TBC1D16: variants seen among roughly 807,000 people sequenced by gnomAD.
The protein encoded by TBC1D16 is CTD-2529O21.1.
Under a neutral mutation model 74.7 loss-of-function variants are expected in TBC1D16, and 58 were observed. That is an observed-to-expected ratio of 0.78 (90% CI 0.63 to 0.97). The LOEUF is 0.97. Among genes scored for constraint, TBC1D16 ranks in the 50% least tolerant of loss-of-function variants. The pLI, the probability that TBC1D16 is intolerant of heterozygous loss-of-function variation, is 0.00. For synonymous variants in TBC1D16, 493 were observed against 474.7 expected (o/e 1.04, Z -0.50); for missense variants, 1,014 against 1,079.5 (o/e 0.94, Z 0.85).
intron 1 of TBC1D16, among the ~76,000 whole-genome samples, chr17:80,031,012 C>A (rs1195311630): frequency 6.6e-6 from 1 of 152,224 alleles, no homozygotes; most frequent in East Asian, 1.9e-4. Context: ...GCCCCCGCTG[C>A]AGAACGTCTG....
intron 3 of TBC1D16, among the ~76,000 whole-genome samples, chr17:80,003,518 G>T (rs914168894): frequency 1.3e-5 from 2 of 152,202 alleles, no homozygotes; most frequent in African/African-American, 4.8e-5. Context: ...TTAGCAGCGT[G>T]CAGCGCAGTG....
intron 3 of TBC1D16, among the ~76,000 whole-genome samples, chr17:80,005,751 C>T (rs934931196): frequency 6.6e-6 from 1 of 152,158 alleles, no homozygotes; most frequent in African/African-American, 2.4e-5. Flanking sequence ...AGTAGGTGGG[C>T]TCACCTTCCA....
chr17:79,955,306 G>T (rs1251972455), intron 3 of TBC1D16, among the ~76,000 whole-genome samples: 2 of 152,128 alleles, frequency 1.3e-5, no homozygotes, highest in African/African-American at 4.8e-5. Flanking sequence ...GACGAGGTCT[G>T]GTGCCCCTCG....
At position 79,944,021 on chromosome 17, in the gene TBC1D16, A is replaced by T; in HGVS notation, c.1908+887T>A. 6.5e-7 allele frequency: 1 copy of T among 1,535,082 alleles called. No individual in the cohort carries two copies. Among genetic ancestry groups the T allele is most frequent in the Non-Finnish European group, 8.7e-7 (1 of 1,146,290 alleles). On this transcript the variant is annotated intron_variant, in intron 10 of 11. Coordinates refer to ENST00000310924, the MANE Select transcript of TBC1D16 (RefSeq NM_019020.4). This position sits in a 1 kb window ranked among gnomAD's most constrained non-coding sequence, Gnocchi z 7.7. ...CAGGAGGGAAACCTAGACCCGGGCC[A>T]GGGGCGAGCCGATGACCGCATGCAA... is the stretch of plus-strand genomic sequence containing the variant.
chr17:80,005,881 C>T (rs1443837019), intron 3 of TBC1D16, among the ~76,000 whole-genome samples: 1 of 152,152 alleles, frequency 6.6e-6, no homozygotes, highest in African/African-American at 2.4e-5. Flanking sequence ...TAACCATATA[C>T]CTGGGGGACC....
rs554338553 is a variant in TBC1D16, at chr17:79,979,776, C to T, written c.780-26958G>A. On this transcript the variant is annotated intron_variant, in intron 3 of 11. Coordinates refer to ENST00000310924, the MANE Select transcript of TBC1D16 (RefSeq NM_019020.4). The surrounding 1 kb of genome is among the most constrained non-coding windows in gnomAD (Gnocchi z 4.8). The stretch of plus-strand genomic sequence containing the variant: ...CCCTTCACATCCACCAAAAGCTCAC[C>T]CTGACTAGAGAACCAAGCAGAGACT... Among the ~76,000 whole-genome samples, 3 of 151,856 alleles carry T rather than the reference C, an allele frequency of 2.0e-5. No homozygotes were observed. Among genetic ancestry groups the T allele is most frequent in the African/African-American group, 7.2e-5 (3 of 41,398 alleles).
In TBC1D16 at chr17:79,952,783, G is replaced by C. The variant is rs780104887; in HGVS notation, c.815C>G (p.Pro272Arg). Residue 272 changes from proline (P) to arginine (R), a missense_variant, in exon 4 of 12, where the codon CCG (proline) becomes CGG (arginine). Coordinates refer to ENST00000310924, the MANE Select transcript of TBC1D16 (RefSeq NM_019020.4). ...PSSSDAGLRF[P>R]DSNGLLQTPR... ...GGTCTGCAGGAGGCCGTTGCTGTCCGGGAACCGCAGGCCGGCGTCGGAGCT... is the reference window on the plus strand; with the variant it reads ...GGTCTGCAGGAGGCCGTTGCTGTCCCGGAACCGCAGGCCGGCGTCGGAGCT... The C allele has an allele frequency of 6.2e-7, 1 of 1,611,392 alleles. No homozygotes were observed. Among genetic ancestry groups the C allele is most frequent in the Admixed American group, 1.7e-5 (1 of 59,958 alleles).
chr17:79,951,003 C>A (rs1182396479), intron 5 of TBC1D16: 11 of 652,520 alleles, frequency 1.7e-5, no homozygotes, highest in South Asian at 1.1e-4. Flanking sequence ...CAGGGCAAAA[C>A]TGCAGCTGAC....
At chr17:79,947,609 C>G (rs1318079113) in intron 9 of TBC1D16, 36 bp downstream of exon 9, 1 of 1,605,502 alleles carries the variant, frequency 6.2e-7, no homozygotes, top group Admixed American at 1.7e-5. Flanking sequence ...CGGGCCCTCA[C>G]ATGCCCTTGG....
In TBC1D16 at chr17:79,994,550, A is replaced by G. The variant is rs961041452; in HGVS notation, c.779+15610T>C. Among the ~76,000 whole-genome samples the G allele has an allele frequency of 3.3e-5, 5 of 152,118 alleles. No individual in the cohort carries two copies. Among genetic ancestry groups the G allele is most frequent in the Admixed American group, 3.3e-4 (5 of 15,274 alleles). ...GCAATTCTCCTGTCTCAGCCTCCCA[A>G]GTAGCTGGGATTACAGGTGTCTGCC... On this transcript the variant is annotated intron_variant, in intron 3 of 11. Transcript: ENST00000310924. This position sits in a 1 kb window ranked among gnomAD's most constrained non-coding sequence, Gnocchi z 4.6.
intron 3 of TBC1D16, among the ~76,000 whole-genome samples, chr17:79,978,023 T>G (rs766749274): frequency 1.3e-5 from 2 of 152,144 alleles, no homozygotes; most frequent in Non-Finnish European, 2.9e-5. Context: ...ATTTCTGACA[T>G]AAGTGGCAAT....
At chr17:80,027,157 A>C (rs2036606226) in intron 1 of TBC1D16, among the ~76,000 whole-genome samples, 1 of 152,206 alleles carries the variant, frequency 6.6e-6, no homozygotes, top group African/African-American at 2.4e-5. Context: ...CTGAGAGATG[A>C]AGATGGATAG....
At chr17:80,024,956 AC>A (rs2036498813) in intron 1 of TBC1D16, among the ~76,000 whole-genome samples, 5 of 142,074 alleles carry the variant, frequency 3.5e-5, no homozygotes, top group Admixed American at 6.9e-5. Context: ...CCATAGACAC[AC>A]CACACACACA....
chr17:79,941,001 G>T lies in TBC1D16; in HGVS notation c.2162C>A (p.Pro721His). The T allele has an allele frequency of 6.2e-7, 1 of 1,608,296 alleles. No homozygotes were observed. The highest frequency in any genetic ancestry group is 8.5e-7 in the Non-Finnish European group (1 of 1,178,202). ...GSGMWDSGSM[P>H]AVECTGHHPG... ...ATGGTGGCCGGTGCACTCCACCGCG[G>T]GCATGGAGCCGCTGTCCCACATGCC... Residue 721 changes from proline (P) to histidine (H), a missense_variant, in exon 12 of 12, where the codon CCC becomes CAC. Coordinates refer to ENST00000310924, the MANE Select transcript of TBC1D16 (RefSeq NM_019020.4). The surrounding 1 kb of genome is among the most constrained non-coding windows in gnomAD (Gnocchi z 4.3).
chr17:79,981,543 C>T lies in TBC1D16; in HGVS notation c.779+28617G>A, dbSNP rs978908144. 3.9e-5 allele frequency among the ~76,000 whole-genome samples: 6 copies of T among 152,312 alleles called. No homozygotes were observed. The highest frequency in any genetic ancestry group is 3.9e-4 in the East Asian group (2 of 5,186). On this transcript the variant is annotated intron_variant, in intron 3 of 11. Coordinates refer to ENST00000310924, the MANE Select transcript of TBC1D16 (RefSeq NM_019020.4). This position sits in a 1 kb window ranked among gnomAD's most constrained non-coding sequence, Gnocchi z 6.9. ...AAAGAAGACACCAGGTGAACAAGCACGCAGAGACATATTCAAGATCGTCGG... is the reference window on the plus strand; with the variant it reads ...AAAGAAGACACCAGGTGAACAAGCATGCAGAGACATATTCAAGATCGTCGG...
intron 3 of TBC1D16, among the ~76,000 whole-genome samples, chr17:79,989,559 G>A (rs2034983338): frequency 6.6e-6 from 1 of 152,348 alleles, no homozygotes; most frequent in African/African-American, 2.4e-5. Context: ...CCAACAGTCT[G>A]GCATGGCAAA....
chr17:79,988,424 G>A lies in TBC1D16; in HGVS notation c.779+21736C>T, dbSNP rs1036694064. 7.9e-5 allele frequency among the ~76,000 whole-genome samples: 12 copies of A among 152,246 alleles called. No homozygotes were observed. Among genetic ancestry groups the A allele is most frequent in the Non-Finnish European group, 1.6e-4 (11 of 68,042 alleles). ...TCGACTGTAGAGAGCTATGAGTCAG[G>A]TCCAAGCTCCACTGGGCGTATGCCC... On this transcript the variant is annotated intron_variant, in intron 3 of 11. Coordinates refer to ENST00000310924, the MANE Select transcript of TBC1D16 (RefSeq NM_019020.4). This position sits in a 1 kb window ranked among gnomAD's most constrained non-coding sequence, Gnocchi z 5.7.
chr17:79,983,523 G>A lies in TBC1D16; in HGVS notation c.779+26637C>T, dbSNP rs1024990567. 1.3e-5 allele frequency among the ~76,000 whole-genome samples: 2 copies of A among 152,214 alleles called. No individual in the cohort carries two copies. The highest frequency in any genetic ancestry group is 4.8e-5 in the African/African-American group (2 of 41,442). On this transcript the variant is annotated intron_variant, in intron 3 of 11. Transcript: ENST00000310924. The surrounding 1 kb of genome is among the most constrained non-coding windows in gnomAD (Gnocchi z 5.6). ...TGTCCCCCTATTGGAGTGAGCACCCGCAGCACCTCAGGCACGGGGAGCTGA... is the reference window on the plus strand; with the variant it reads ...TGTCCCCCTATTGGAGTGAGCACCCACAGCACCTCAGGCACGGGGAGCTGA...
In TBC1D16 at chr17:79,977,196, C is replaced by G. The variant is rs951852222; in HGVS notation, c.780-24378G>C. Reference sequence around the variant, plus strand: ...CCCAACGTCCAAAGCTTTCCTGAAGCCCCACTGCCTCCACCACCCTCAGTA... The same window carrying G: ...CCCAACGTCCAAAGCTTTCCTGAAGGCCCACTGCCTCCACCACCCTCAGTA... On this transcript the variant is annotated intron_variant, in intron 3 of 11. Transcript: ENST00000310924. Among the ~76,000 whole-genome samples, 35 of 152,336 alleles carry G rather than the reference C, an allele frequency of 2.3e-4. No individual in the cohort carries two copies. The East Asian group carries it at 6.7e-3, about 29-fold the overall frequency.
Sources: allele counts gnomAD v4.1 joint callset (sites outside exome capture counted in the v4.1 genomes callset), GRCh38; gene constraint gnomAD v4.1.1; non-coding constraint Gnocchi (gnomAD v3.1); transcripts MANE v1.5; gene names NCBI Gene and HGNC (gene_info 2026-07-23, HGNC 2026-07-21).